Variants in MCTP1 observed in about 807,000 individuals in gnomAD.
MCTP1 encodes the protein multiple C2 and transmembrane domain-containing protein 1.
In MCTP1, 69 loss-of-function variants were observed where a neutral mutation model predicts 120.6. The ratio of observed to expected loss-of-function variants is 0.57; its 90% CI spans 0.47 to 0.70. The LOEUF (loss-of-function observed/expected upper bound fraction) is 0.70, where lower values mean the gene tolerates loss of function less well. MCTP1 is among the 30% of genes least tolerant of loss of function. The probability of loss-of-function intolerance (pLI) is 0.00; values close to 1 mark genes in which losing one functional copy is unlikely to be tolerated. For missense variants in MCTP1, 1,203 were observed against 1,248.8 expected, an observed-to-expected ratio of 0.96 and a Z score of 0.55; for synonymous variants, 529 against 493.1, an observed-to-expected ratio of 1.07 and a Z score of -0.96.
chr5:94,834,178 C>A (rs1447006893), intron 17 of MCTP1, among the ~76,000 whole-genome samples: 1 of 152,158 alleles, frequency 6.6e-6, no homozygotes, highest in Non-Finnish European at 1.5e-5. Flanking sequence ...GGCTTTAAGG[C>A]AGTGAAATGT....
At chr5:94,711,272 T>A (rs1756889130) in intron 20 of MCTP1, among the ~76,000 whole-genome samples, 1 of 152,168 alleles carries the variant, frequency 6.6e-6, no homozygotes, top group African/African-American at 2.4e-5. Context: ...TTGTTTTCTC[T>A]GGCTTTTCAG....
chr5:94,801,831 C>T (rs73133954), intron 17 of MCTP1, among the ~76,000 whole-genome samples: 20,069 of 152,130 alleles, frequency 0.13, 1,932 homozygotes, highest in African/African-American at 0.27. Context: ...TTCATGCATT[C>T]TTCTTCTCTA....
intron 19 of MCTP1, among the ~76,000 whole-genome samples, chr5:94,749,960 T>C (rs1351490458): frequency 6.6e-6 from 1 of 152,154 alleles, no homozygotes; most frequent in Non-Finnish European, 1.5e-5. Flanking sequence ...CTAAAAGAAG[T>C]CTGACTCCAG....
intron 2 of MCTP1, among the ~76,000 whole-genome samples, chr5:94,975,916 C>A (rs1827986779): frequency 6.6e-6 from 1 of 152,114 alleles, no homozygotes. Flanking sequence ...CTGTTTATTT[C>A]TGATCCCTGA....
intron 1 of MCTP1, among the ~76,000 whole-genome samples, chr5:95,055,022 C>G (rs1161928054): frequency 3.9e-5 from 6 of 152,036 alleles, no homozygotes; most frequent in African/African-American, 1.4e-4. Flanking sequence ...ATGTTGGCCA[C>G]GCTGGTCTCA....
At chr5:95,249,358 G>A (rs941682663) in intron 1 of MCTP1, among the ~76,000 whole-genome samples, 1 of 152,102 alleles carries the variant, frequency 6.6e-6, no homozygotes, top group Non-Finnish European at 1.5e-5. Flanking sequence ...GATATGAACA[G>A]ATACTTCTCA....
At chr5:95,125,606 A>T (rs1758563476) in intron 1 of MCTP1, among the ~76,000 whole-genome samples, 1 of 152,014 alleles carries the variant, frequency 6.6e-6, no homozygotes, top group Admixed American at 6.5e-5. Context: ...TACTCCTAAC[A>T]CTCATTACTA....
intron 19 of MCTP1, among the ~76,000 whole-genome samples, chr5:94,733,162 C>A (rs901663610): frequency 1.3e-5 from 2 of 152,012 alleles, no homozygotes; most frequent in African/African-American, 4.8e-5. Flanking sequence ...GTTACTATTT[C>A]AAAAAAATTT....
chr5:95,138,396 C>T (rs75084550), intron 1 of MCTP1, among the ~76,000 whole-genome samples: 1 of 152,186 alleles, frequency 6.6e-6, no homozygotes, highest in African/African-American at 2.4e-5. Flanking sequence ...CAATCTCCAT[C>T]CAGGTTTTTC....
chr5:95,213,279 T>C (rs1486573483), intron 1 of MCTP1, among the ~76,000 whole-genome samples: 1 of 151,860 alleles, frequency 6.6e-6, no homozygotes, highest in Admixed American at 6.6e-5. Flanking sequence ...TCAAAGAGAA[T>C]AAAATACCTA....
At chr5:95,024,677 A>ACACACACACACACCCC (rs1185400384) in intron 1 of MCTP1, among the ~76,000 whole-genome samples, 1 of 150,752 alleles carries the variant, frequency 6.6e-6, no homozygotes, top group African/African-American at 2.4e-5. Context: ...ACACACACAC[A>ACACACACACACACCCC]CCCCTAAATG....
At chr5:95,205,961 T>C (rs1479470385) in intron 1 of MCTP1, among the ~76,000 whole-genome samples, 1 of 152,212 alleles carries the variant, frequency 6.6e-6, no homozygotes, top group East Asian at 1.9e-4. Flanking sequence ...ATATCCACTT[T>C]GGAAAATAGT....
At chr5:95,119,231 G>A (rs1758031487) in intron 1 of MCTP1, among the ~76,000 whole-genome samples, 1 of 152,028 alleles carries the variant, frequency 6.6e-6, no homozygotes, top group South Asian at 2.1e-4. Context: ...ATAACCAGAG[G>A]GATTTGAGGA....
At chr5:94,797,112 TA>T (rs1353592722) in intron 18 of MCTP1, among the ~76,000 whole-genome samples, 1 of 152,218 alleles carries the variant, frequency 6.6e-6, no homozygotes, top group Non-Finnish European at 1.5e-5. Flanking sequence ...CAATAGGCTA[TA>T]AAATGTCTTG....
At chr5:94,810,134 T>A (rs931385206) in intron 17 of MCTP1, among the ~76,000 whole-genome samples, 2 of 152,244 alleles carry the variant, frequency 1.3e-5, no homozygotes, top group East Asian at 3.9e-4. Context: ...TTCACTGTGA[T>A]CTTTTATTTA....
intron 1 of MCTP1, among the ~76,000 whole-genome samples, chr5:95,252,323 C>T (rs1362189018): frequency 6.6e-6 from 1 of 152,146 alleles, no homozygotes; most frequent in African/African-American, 2.4e-5. Flanking sequence ...CTGCTACCCT[C>T]CCACAAAAAC....
At chr5:95,075,019 A>G (rs1753202859) in intron 1 of MCTP1, among the ~76,000 whole-genome samples, 1 of 152,172 alleles carries the variant, frequency 6.6e-6, no homozygotes, top group Non-Finnish European at 1.5e-5. Flanking sequence ...GTGGCAGAAT[A>G]TTTTTTATTT....
At chr5:95,096,634 G>T (rs1419186161) in intron 1 of MCTP1, among the ~76,000 whole-genome samples, 1 of 152,138 alleles carries the variant, frequency 6.6e-6, no homozygotes, top group Non-Finnish European at 1.5e-5. Context: ...AATGGAAGAA[G>T]CTCTAATTCG....
chr5:95,002,414 C>A (rs890559722), intron 2 of MCTP1, among the ~76,000 whole-genome samples: 2 of 152,186 alleles, frequency 1.3e-5, no homozygotes, highest in Non-Finnish European at 2.9e-5. Flanking sequence ...TCGATGCCAG[C>A]CTGTGAAAGC....
Sources: allele counts gnomAD v4.1 joint callset (sites outside exome capture counted in the v4.1 genomes callset), GRCh38; gene constraint gnomAD v4.1.1; transcripts MANE v1.5; gene names NCBI Gene and HGNC (gene_info 2026-07-23, HGNC 2026-07-21).